GRM7: variants seen among roughly 807,000 people sequenced by gnomAD.
GRM7 encodes glutamate metabotropic receptor 7, also known as metabotropic glutamate receptor 7.
A neutral mutation model predicts 84.5 loss-of-function variants in GRM7; 35 were observed. The ratio of observed to expected loss-of-function variants is 0.41; its 90% CI spans 0.32 to 0.55. The LOEUF (loss-of-function observed/expected upper bound fraction) is 0.55, where lower values mean the gene tolerates loss of function less well. Among genes scored for constraint, GRM7 ranks in the 20% least tolerant of loss-of-function variants. GRM7 has a pLI of 0.19. For missense variants in GRM7, 1,003 were observed against 1,194.6 expected (o/e 0.84, Z 2.36); for synonymous variants, 487 against 455.1 (o/e 1.07, Z -0.89).
chr3:7,435,196 C>A (rs1172186333), intron 5 of GRM7, among the ~76,000 whole-genome samples: 4 of 151,494 alleles, frequency 2.6e-5, no homozygotes, highest in Non-Finnish European at 5.9e-5. Context: ...CAGTGTCTCA[C>A]TTTGTTGCCT....
chr3:7,245,322 G>A (rs1697717776), intron 2 of GRM7, among the ~76,000 whole-genome samples: 1 of 151,716 alleles, frequency 6.6e-6, no homozygotes, highest in Admixed American at 6.6e-5. Context: ...TCTCAGGCAG[G>A]GTAATAAAAA....
At chr3:7,038,854 C>A (rs1696483905) in intron 1 of GRM7, among the ~76,000 whole-genome samples, 1 of 152,118 alleles carries the variant, frequency 6.6e-6, no homozygotes, top group East Asian at 1.9e-4. Context: ...AGCTTCCACC[C>A]CTTTTTTTAA....
intron 8 of GRM7, among the ~76,000 whole-genome samples, chr3:7,619,101 G>C (rs182092621): frequency 2.7e-4 from 41 of 152,218 alleles, no homozygotes; most frequent in African/African-American, 9.6e-4. Context: ...AGATGTTCAG[G>C]AAATTAGATG....
chr3:7,085,160 G>A (rs1380292825), intron 1 of GRM7, among the ~76,000 whole-genome samples: 1 of 152,080 alleles, frequency 6.6e-6, no homozygotes, highest in Admixed American at 6.6e-5. Flanking sequence ...TTTCACATTA[G>A]ACCTTTTTGG....
At chr3:7,369,293 A>G (rs1694037978) in intron 4 of GRM7, among the ~76,000 whole-genome samples, 1 of 152,134 alleles carries the variant, frequency 6.6e-6, no homozygotes, top group East Asian at 2.0e-4. Flanking sequence ...GCCTCAAGCG[A>G]TCCTAAAGAG....
At chr3:7,114,831 G>T (rs1225233393) in intron 1 of GRM7, among the ~76,000 whole-genome samples, 1 of 152,058 alleles carries the variant, frequency 6.6e-6, no homozygotes, top group Non-Finnish European at 1.5e-5. Context: ...CCAGTTTCGT[G>T]GTGTTTTCCT....
chr3:7,175,242 C>T (rs938201113), intron 2 of GRM7, among the ~76,000 whole-genome samples: 9 of 152,228 alleles, frequency 5.9e-5, no homozygotes, highest in Non-Finnish European at 1.2e-4. Flanking sequence ...AGCAGCTGCT[C>T]GTAGCAGTCC....
intron 4 of GRM7, among the ~76,000 whole-genome samples, chr3:7,397,399 G>T (rs1695254321): frequency 6.6e-6 from 1 of 152,138 alleles, no homozygotes; most frequent in Admixed American, 6.6e-5. Flanking sequence ...TTACTAGAGG[G>T]TGAAAAGGGT....
chr3:7,494,176 CATT>C (rs929108007), intron 7 of GRM7, among the ~76,000 whole-genome samples: 4 of 152,136 alleles, frequency 2.6e-5, no homozygotes, highest in Middle Eastern at 3.4e-3. Context: ...ACTAGCAATA[CATT>C]ATTATTATTA....
At chr3:6,894,463 T>C (rs1696095850) in intron 1 of GRM7, among the ~76,000 whole-genome samples, 1 of 152,294 alleles carries the variant, frequency 6.6e-6, no homozygotes. Flanking sequence ...CATCTATTGT[T>C]TCTATCCTAA....
chr3:6,876,333 T>C, intron 1 of GRM7, among the ~76,000 whole-genome samples: 1 of 152,226 alleles, frequency 6.6e-6, no homozygotes, highest in East Asian at 1.9e-4. Flanking sequence ...GCCTTGGGCT[T>C]TCCTGTTTGT....
At chr3:7,280,587 G>A (rs1277011420) in intron 2 of GRM7, among the ~76,000 whole-genome samples, 2 of 152,122 alleles carry the variant, frequency 1.3e-5, no homozygotes, top group Non-Finnish European at 2.9e-5. Context: ...AGGCTGTCAC[G>A]GGAAGTAAAT....
chr3:6,908,631 G>A (rs146046201), intron 1 of GRM7, among the ~76,000 whole-genome samples: 3 of 152,094 alleles, frequency 2.0e-5, no homozygotes, highest in African/African-American at 7.2e-5. Flanking sequence ...ACCTGTCCTC[G>A]CACAGAGTCC....
intron 8 of GRM7, among the ~76,000 whole-genome samples, chr3:7,645,713 T>C (rs1335303086): frequency 6.6e-6 from 1 of 152,118 alleles, no homozygotes; most frequent in African/African-American, 2.4e-5. Flanking sequence ...GCAGTGTGGT[T>C]CTGTGTGCTA....
intron 1 of GRM7, among the ~76,000 whole-genome samples, chr3:7,062,204 G>A (rs1442100447): frequency 6.6e-6 from 1 of 151,766 alleles, no homozygotes; most frequent in Non-Finnish European, 1.5e-5. Context: ...TGGAATACAA[G>A]GATCATAGGA....
chr3:7,732,312 A>G (rs928248857), intron 9 of GRM7, among the ~76,000 whole-genome samples: 5 of 152,214 alleles, frequency 3.3e-5, no homozygotes, highest in Non-Finnish European at 7.3e-5. Flanking sequence ...CCCAAGCACT[A>G]GAAAAAAACT....
intron 1 of GRM7, among the ~76,000 whole-genome samples, chr3:7,077,150 T>C (rs1027012244): frequency 6.6e-6 from 1 of 152,190 alleles, no homozygotes; most frequent in Admixed American, 6.5e-5. Context: ...TCATCCATTG[T>C]GGAAGACAGT....
At chr3:7,592,506 G>A (rs1055388420) in intron 8 of GRM7, among the ~76,000 whole-genome samples, 3 of 152,168 alleles carry the variant, frequency 2.0e-5, no homozygotes, top group Admixed American at 6.5e-5. Flanking sequence ...GGCATGGTAG[G>A]AGATGAGCCT....
chr3:7,398,791 C>A (rs1437937777), intron 4 of GRM7, among the ~76,000 whole-genome samples: 1 of 152,058 alleles, frequency 6.6e-6, no homozygotes, highest in Non-Finnish European at 1.5e-5. Flanking sequence ...ATTTTCTGAA[C>A]TTGGGGCCCT....
Sources: gnomAD v4.1 joint callset for allele counts (sites outside exome capture counted in the v4.1 genomes callset) on GRCh38, gnomAD v4.1.1 for gene constraint, MANE v1.5 for transcripts, NCBI Gene and HGNC (gene_info 2026-07-23, HGNC 2026-07-21) for gene names.